Variants in FDFT1 observed in about 807,000 individuals in gnomAD.
FDFT1 encodes the protein squalene synthase.
FDFT1 carries 68 observed loss-of-function variants against 46.8 expected under a neutral mutation model. That is an observed-to-expected ratio of 1.45 (90% CI 1.19 to 1.78). FDFT1 has a LOEUF of 1.78. Among genes scored for constraint, FDFT1 ranks in the 40% most tolerant of loss-of-function variants. The pLI is 0.00. For missense variants in FDFT1, 928 were observed against 524.4 expected, an observed-to-expected ratio of 1.77 and a Z score of -7.52; for synonymous variants, 351 against 185.1, an observed-to-expected ratio of 1.90 and a Z score of -7.28.
chr8:11,830,306 C>G lies in FDFT1; in HGVS notation c.765C>G (p.Ala255=). 1.2e-6 allele frequency: 2 copies of G among 1,613,608 alleles called. No individual in the cohort carries two copies. The highest frequency in any genetic ancestry group is 1.7e-6 in the Non-Finnish European group (2 of 1,179,602). ...DFAKPENIDL[A]VQCLNELITN... ...CTAAGCCGGAGAATATTGACTTGGCCGTGCAGTGCCTGAATGAACTTATAA... is the reference window on the plus strand; with the variant it reads ...CTAAGCCGGAGAATATTGACTTGGCGGTGCAGTGCCTGAATGAACTTATAA... The change falls in exon 6 of 8, where the codon GCC becomes GCG. Residue 255 remains alanine, a synonymous_variant. Coordinates refer to ENST00000220584, the MANE Select transcript of FDFT1 (RefSeq NM_004462.5).
intron 6 of FDFT1, 83 bp downstream of exon 6, chr8:11,830,503 C>G (rs1810630098): frequency 7.3e-6 from 7 of 959,062 alleles, no homozygotes; most frequent in Non-Finnish European, 1.1e-5. Context: ...GTGCTATATT[C>G]AAGGATATGA....
intron 1 of FDFT1, among the ~76,000 whole-genome samples, chr8:11,796,783 C>T (rs1432768696): frequency 1.3e-5 from 2 of 152,196 alleles, no homozygotes; most frequent in South Asian, 2.1e-4. Flanking sequence ...AGGCAAGCCC[C>T]AAATTGGGCC....
At chr8:11,802,288 C>G (rs1411490320), upstream of FDFT1, 2 of 386,740 alleles carry the variant, frequency 5.2e-6, no homozygotes, top group East Asian at 7.2e-5. Context: ...AGAGCTCACC[C>G]GGCTGGCAGG....
At chr8:11,825,966 T>C in intron 4 of FDFT1, 58 bp from the exon 5 acceptor site, 6 of 1,249,808 alleles carry the variant, frequency 4.8e-6, no homozygotes, top group Non-Finnish European at 6.6e-6. Flanking sequence ...TGATCTCTAG[T>C]GTGTCCATTT....
chr8:11,820,980 G>A (rs371470792), intron 3 of FDFT1, among the ~76,000 whole-genome samples: 1 of 152,222 alleles, frequency 6.6e-6, no homozygotes, highest in African/African-American at 2.4e-5. Flanking sequence ...GACCAGAGCT[G>A]TTCCTACTGG....
chr8:11,811,659 C>T (rs571505229), intron 3 of FDFT1, among the ~76,000 whole-genome samples: 18 of 152,286 alleles, frequency 1.2e-4, no homozygotes, highest in African/African-American at 4.1e-4. Context: ...CTGAACTCAT[C>T]GTTTTCTTTT....
At chr8:11,807,821 A>G (rs1377831574) in intron 1 of FDFT1, 1 of 152,254 alleles carries the variant, frequency 6.6e-6, no homozygotes, top group Admixed American at 6.5e-5. Flanking sequence ...TGTCATAGAA[A>G]AACCAGGGTT....
intron 5 of FDFT1, among the ~76,000 whole-genome samples, chr8:11,828,466 G>C (rs75266101): frequency 0.13 from 20,465 of 152,208 alleles, 1,477 homozygotes; most frequent in Middle Eastern, 0.16. Flanking sequence ...GGGATGTATA[G>C]TGAGGCAGTG....
At chr8:11,809,137 T>G (rs1263201746) in intron 2 of FDFT1, 1 of 1,320,734 alleles carries the variant, frequency 7.6e-7, no homozygotes, top group African/African-American at 1.5e-5. Context: ...TATTAACTTT[T>G]TTTAGTCTTG....
chr8:11,808,440 C>G, intron 1 of FDFT1: 1 of 1,269,338 alleles, frequency 7.9e-7, no homozygotes, highest in South Asian at 3.1e-5. Context: ...GAGGGCGAGC[C>G]CGTCCCGCCC....
chr8:11,802,592 AG>A (rs1585844469), upstream of FDFT1: 43 of 619,418 alleles, frequency 6.9e-5, no homozygotes, highest in East Asian at 1.3e-3. Context: ...GGGTCTTCCT[AG>A]TGTGAGCGGC....
At position 11,809,849 on chromosome 8, in the gene FDFT1, C is replaced by G. The variant is rs556051417; in HGVS notation, c.380C>G (p.Thr127Arg). The G allele has an allele frequency of 6.2e-7, 1 of 1,610,612 alleles. No individual in the cohort carries two copies. The highest frequency in any genetic ancestry group is 1.7e-5 in the Admixed American group (1 of 59,780). ...CGCCAGGTGCTGGAGGACTTCCCAA[C>G]GGTGAGTGGGGTTACGCATCTTGTC... ...KDRQVLEDFP[T>R]ISLEFRNLAE... Residue 127 changes from threonine to arginine, a missense_variant and splice_region_variant, in exon 3 of 8, where the codon ACG becomes AGG. By Grantham distance (71) the Thr-to-Arg change is moderately conservative. Coordinates refer to ENST00000220584, the MANE Select transcript of FDFT1 (RefSeq NM_004462.5).
At chr8:11,808,447 GCC>G (rs1310136459) in intron 1 of FDFT1, 3 of 1,269,558 alleles carry the variant, frequency 2.4e-6, no homozygotes, top group African/African-American at 3.1e-5. Flanking sequence ...AGCCCGTCCC[GCC>G]CCTCGTCGGG....
At chr8:11,814,535 C>T (rs1808177165) in intron 3 of FDFT1, among the ~76,000 whole-genome samples, 1 of 152,156 alleles carries the variant, frequency 6.6e-6, no homozygotes, top group Non-Finnish European at 1.5e-5. Context: ...GCAGTATTAT[C>T]TGTAGGCTCT....
Position 11,838,761 on chromosome 8 carries a change from G to C in FDFT1, c.*152G>C. The C allele has an allele frequency of 3.0e-6, 2 of 670,668 alleles. No individual in the cohort carries two copies. The highest frequency in any genetic ancestry group is 5.2e-6 in the Non-Finnish European group (2 of 384,302). The allele number at this position is 670,668 out of a possible 1,614,324, so 41.5% of individuals were successfully genotyped here. A position where few individuals can be genotyped will look rare whatever the true frequency, so the allele number is the denominator to read the frequency against. ...GGACCTTTAGGAAAGTGAAATGCAG[G>C]TGAGAAGAACCTAAACATGAAAGGA... On this transcript the variant is annotated 3_prime_UTR_variant, in exon 8 of 8. Transcript: ENST00000220584.
At chr8:11,801,857 C>CT, upstream of FDFT1, 1 of 420,758 alleles carries the variant, frequency 2.4e-6, no homozygotes, top group Non-Finnish European at 4.7e-6. Context: ...CCACACTCGG[C>CT]TTTTTTGTAT....
upstream of FDFT1, among the ~76,000 whole-genome samples, chr8:11,800,260 C>T (rs1304683625): frequency 3.5e-5 from 2 of 57,914 alleles, no homozygotes; most frequent in Non-Finnish European, 2.8e-5. Flanking sequence ...AATTCTGTCT[C>T]AAAAAAAAAA....
chr8:11,834,021 A>G (rs1811215177), intron 7 of FDFT1, among the ~76,000 whole-genome samples: 1 of 152,372 alleles, frequency 6.6e-6, no homozygotes. Context: ...ATGAAGCCAC[A>G]AGTCGTCTGG....
intron 7 of FDFT1, among the ~76,000 whole-genome samples, chr8:11,832,551 C>CAA (rs531759815): frequency 6.0e-4 from 22 of 36,376 alleles, no homozygotes; most frequent in Admixed American, 4.7e-3. Context: ...GACTTTGTCT[C>CAA]AAAAAAAAAA....
Sources: gnomAD v4.1 joint callset for allele counts (sites outside exome capture counted in the v4.1 genomes callset) on GRCh38, gnomAD v4.1.1 for gene constraint, MANE v1.5 for transcripts, NCBI Gene and HGNC (gene_info 2026-07-23, HGNC 2026-07-21) for gene names.